The following BIRC6 variants were observed in gnomAD, a reference collection of about 807,000 sequenced individuals.
The protein encoded by BIRC6 is baculoviral IAP repeat containing 6, also known as dual E2 ubiquitin-conjugating enzyme/E3 ubiquitin-protein ligase BIRC6.
A neutral mutation model predicts 503.3 loss-of-function variants in BIRC6; 98 were observed. The ratio of observed to expected loss-of-function variants is 0.19; its 90% CI spans 0.17 to 0.23. The LOEUF is 0.23. Ranked by LOEUF, BIRC6 falls within the 10% of genes least tolerant of loss-of-function variation. The pLI is 1.00. For missense variants in BIRC6, 5,360 were observed against 5,806.0 expected, an observed-to-expected ratio of 0.92 and a Z score of 2.50; for synonymous variants, 2,240 against 2,078.7, an observed-to-expected ratio of 1.08 and a Z score of -2.11.
At chr2:32,556,658 A>T (rs1037332092) in intron 65 of BIRC6, among the ~76,000 whole-genome samples, 1 of 152,180 alleles carries the variant, frequency 6.6e-6, no homozygotes, top group African/African-American at 2.4e-5. Flanking sequence ...GCTTTAAAAA[A>T]GTCCTACAGG....
At chr2:32,487,424 A>T (rs1383844048) in intron 40 of BIRC6, among the ~76,000 whole-genome samples, 1 of 152,106 alleles carries the variant, frequency 6.6e-6, no homozygotes, top group East Asian at 1.9e-4. Flanking sequence ...TGTTGGTTTG[A>T]GTCCTATGAA....
In BIRC6 at chr2:32,509,849, C is replaced by T. The variant is rs147109284; in HGVS notation, c.10092C>T (p.Ala3364=). The change falls in exon 52 of 74, where the codon GCC becomes GCT. Residue 3364 remains alanine (A), a synonymous_variant. Transcript: ENST00000421745. ...CTAATCTGCTGCAGACTTGTGCGGC[C>T]TTATTGATGTCACCTTACTGTGGAA... ...PTANLLQTCA[A]LLMSPYCGMH... 1 of 1,613,960 alleles carries T rather than the reference C, an allele frequency of 6.2e-7. No individual in the cohort carries two copies. Among genetic ancestry groups the T allele is most frequent in the Admixed American group, 1.7e-5 (1 of 60,018 alleles).
At chr2:32,476,025 CAGGG>C (rs2049724357) in intron 33 of BIRC6, among the ~76,000 whole-genome samples, 184 bp from the exon 34 acceptor site, 2 of 151,876 alleles carry the variant, frequency 1.3e-5, no homozygotes, top group South Asian at 4.1e-4. Flanking sequence ...TTAATGAAAA[CAGGG>C]AGAGATCTCA....
intron 65 of BIRC6, among the ~76,000 whole-genome samples, chr2:32,559,758 C>T (rs1052267656): frequency 2.0e-5 from 3 of 151,338 alleles, no homozygotes; most frequent in Non-Finnish European, 4.4e-5. Flanking sequence ...CAGTGGCTCA[C>T]ACCTGTAATC....
intron 32 of BIRC6, among the ~76,000 whole-genome samples, chr2:32,471,932 T>C (rs1215692610): frequency 6.6e-6 from 1 of 152,218 alleles, no homozygotes; most frequent in Non-Finnish European, 1.5e-5. Context: ...GTGCATATTA[T>C]GTTTAGGAAG....
At chr2:32,390,079 C>T (rs1014764881) in intron 4 of BIRC6, among the ~76,000 whole-genome samples, 1 of 152,122 alleles carries the variant, frequency 6.6e-6, no homozygotes, top group Admixed American at 6.6e-5. Context: ...AGGCTGGTGT[C>T]GAACTCCCTA....
intron 59 of BIRC6, 25 bp from the exon 60 acceptor site, chr2:32,529,626 A>C: frequency 6.6e-7 from 1 of 1,507,016 alleles, no homozygotes; most frequent in Admixed American, 2.3e-5. Context: ...CGGTTTCCAG[A>C]TTTAACTTAG....
chr2:32,609,398 A>G (rs750020145), intron 72 of BIRC6, among the ~76,000 whole-genome samples: 18 of 152,204 alleles, frequency 1.2e-4, no homozygotes, highest in Non-Finnish European at 2.2e-4. Flanking sequence ...TGACGTTAGC[A>G]TCACAACTTG....
intron 55 of BIRC6, among the ~76,000 whole-genome samples, chr2:32,516,091 T>G (rs2055004069): frequency 6.6e-6 from 1 of 152,236 alleles, no homozygotes; most frequent in Non-Finnish European, 1.5e-5. Context: ...CACTGATCAC[T>G]GAGTACTGTA....
intron 3 of BIRC6, among the ~76,000 whole-genome samples, chr2:32,385,939 C>T (rs1018762862): frequency 2.0e-5 from 3 of 152,142 alleles, no homozygotes; most frequent in African/African-American, 7.2e-5. Flanking sequence ...ATGACCAGAC[C>T]TCTGGACCTC....
intron 10 of BIRC6, among the ~76,000 whole-genome samples, chr2:32,419,962 A>T (rs992186464): frequency 6.6e-6 from 1 of 152,154 alleles, no homozygotes; most frequent in African/African-American, 2.4e-5. Flanking sequence ...CATGGAGATC[A>T]TTTGGTTGTT....
chr2:32,568,982 C>CTT lies in BIRC6; in HGVS notation c.13145-6173_13145-6172insTT, dbSNP rs199909930. On this transcript the variant is annotated intron_variant, in intron 65 of 73. Transcript: ENST00000421745. The stretch of plus-strand genomic sequence containing the variant: ...TTTTGGAGGAGTCTCCCATGTCTCT[C>CTT]TCTTTTTTTTTTTTTTTTTGAGATG... Among the ~76,000 whole-genome samples the CTT allele has an allele frequency of 1.8e-3, 237 of 131,288 alleles. 13 individuals are homozygous for CTT. The highest frequency in any genetic ancestry group is 2.1e-3 in the East Asian group (10 of 4,700). 86.1% of individuals were successfully genotyped at this position (131,288 alleles called of 152,430 possible). A position where few individuals can be genotyped will look rare whatever the true frequency, so the allele number is the denominator to read the frequency against.
intron 10 of BIRC6, among the ~76,000 whole-genome samples, chr2:32,420,937 ATTTTTT>A (rs70938343): frequency 7.8e-6 from 1 of 128,320 alleles, no homozygotes; most frequent in African/African-American, 3.0e-5. Flanking sequence ...TGTTTTATTG[ATTTTTT>A]TTTTTTTTTT....
Position 32,406,502 on chromosome 2 carries a change from T to C in BIRC6, c.1422T>C (p.Asp474=), listed in dbSNP as rs778847496. The C allele has an allele frequency of 6.2e-7, 1 of 1,607,766 alleles. No individual in the cohort carries two copies. Among genetic ancestry groups the C allele is most frequent in the South Asian group, 1.1e-5 (1 of 90,540 alleles). Residue 474 remains aspartate, a synonymous_variant, in exon 9 of 74, where the codon GAT becomes GAC. Coordinates refer to ENST00000421745, the MANE Select transcript of BIRC6 (RefSeq NM_016252.4). The part of the protein sequence containing the change: ...SDIPKLEGDS[D]DLLEDSDSEE... The stretch of plus-strand genomic sequence containing the variant: ...TTACTTTGTTTTTTGATTTAAGTGA[T>C]GATTTACTGGAGGATTCAGACAGTG...
At chr2:32,445,697 T>G (rs1404590579) in intron 21 of BIRC6, 29 bp downstream of exon 21, 2 of 1,435,382 alleles carry the variant, frequency 1.4e-6, no homozygotes, top group African/African-American at 2.9e-5. Flanking sequence ...TGACTAATAA[T>G]AGGCGTCTCT....
chr2:32,600,695 TAGAGA>T lies in BIRC6; in HGVS notation c.13992+800_13992+804del, dbSNP rs1296650299. ...AAATAATTCTCAAGGCTTCGTTGCA[TAGAGA>T]AGAGGGTAAGGGCTTGGGAATCTTA... On this transcript the variant is annotated intron_variant, in intron 70 of 73. Transcript: ENST00000421745. Among the ~76,000 whole-genome samples the T allele has an allele frequency of 2.0e-5, 3 of 152,238 alleles. No homozygotes were observed. The East Asian group carries it at 5.8e-4, about 29-fold the overall frequency.
intron 65 of BIRC6, among the ~76,000 whole-genome samples, chr2:32,561,386 C>T (rs1273335169): frequency 6.6e-6 from 1 of 151,810 alleles, no homozygotes; most frequent in Non-Finnish European, 1.5e-5. Context: ...GGTCTACAGG[C>T]GTGTCAGCAC....
Position 32,429,408 on chromosome 2 carries a change from A to G in BIRC6, c.3022+113A>G, listed in dbSNP as rs1420470626. ...AAGTAAGAAGTGATTCTCAACCTGT[A>G]TGGTATGTTACTCAATATTTGTGAA... On this transcript the variant is annotated intron_variant, in intron 11 of 73. Transcript: ENST00000421745. 1.5e-5 allele frequency: 12 copies of G among 798,322 alleles called. No homozygotes were observed. In the South Asian group the frequency reaches 1.5e-4, roughly 10 times the overall value. The allele number at this position is 798,322 out of a possible 1,614,324, so 49.5% of individuals were successfully genotyped here. A position where few individuals can be genotyped will look rare whatever the true frequency, so the allele number is the denominator to read the frequency against.
At chr2:32,478,497 C>A in intron 35 of BIRC6, 138 bp from the exon 36 acceptor site, 1 of 598,430 alleles carries the variant, frequency 1.7e-6, no homozygotes, top group Non-Finnish European at 2.6e-6. Context: ...CCATCTCAAG[C>A]AATTTTTTTT....
Sources: allele counts gnomAD v4.1 joint callset (sites outside exome capture counted in the v4.1 genomes callset), GRCh38; gene constraint gnomAD v4.1.1; transcripts MANE v1.5; gene names NCBI Gene and HGNC (gene_info 2026-07-23, HGNC 2026-07-21).